The following PCBP3 variants were observed in gnomAD, a reference collection of about 807,000 sequenced individuals.
PCBP3 encodes the protein poly(rC) binding protein 3, also known as poly(rC)-binding protein 3.
Under a neutral mutation model 52.7 loss-of-function variants are expected in PCBP3, and 25 were observed. The observed-to-expected ratio is 0.47, with a 90% confidence interval of 0.35 to 0.66. PCBP3 has a LOEUF of 0.66. Among genes scored for constraint, PCBP3 ranks in the 30% least tolerant of loss-of-function variants. The pLI, the probability that PCBP3 is intolerant of heterozygous loss-of-function variation, is 0.01. For missense variants in PCBP3, 391 were observed against 490.3 expected (o/e 0.80, Z 1.91); for synonymous variants, 162 against 183.0 (o/e 0.89, Z 0.93).
chr21:45,878,344 G>A (rs2095318857), intron 5 of PCBP3, among the ~76,000 whole-genome samples: 1 of 152,266 alleles, frequency 6.6e-6, no homozygotes, highest in South Asian at 2.1e-4. Context: ...CTTGGCCTTA[G>A]ACAGGATGCA....
At chr21:45,839,153 C>G (rs1432823225) in intron 4 of PCBP3, among the ~76,000 whole-genome samples, 1 of 152,062 alleles carries the variant, frequency 6.6e-6, no homozygotes, top group Non-Finnish European at 1.5e-5. Flanking sequence ...TTATCACTCT[C>G]TATATAATTC....
Position 45,817,859 on chromosome 21 carries a change from T to A in PCBP3, c.-125-32102T>A, listed in dbSNP as rs2093013680. ...TATGAACTCAGGATTTATTTCACTT[T>A]TGAAAAGTTAATAGTCTTTATGTTT... On this transcript the variant is annotated intron_variant, in intron 4 of 17. Coordinates refer to ENST00000681687, the MANE Select transcript of PCBP3 (RefSeq NM_001384156.1). This position sits in a 1 kb window ranked among gnomAD's most constrained non-coding sequence, Gnocchi z 4.3. Among the ~76,000 whole-genome samples, 2 of 152,246 alleles carry A rather than the reference T, an allele frequency of 1.3e-5. No individual in the cohort carries two copies. The highest frequency in any genetic ancestry group is 4.8e-5 in the African/African-American group (2 of 41,462).
At chr21:45,663,279 C>A (rs1207703665) in intron 1 of PCBP3, among the ~76,000 whole-genome samples, 1 of 152,132 alleles carries the variant, frequency 6.6e-6, no homozygotes, top group Non-Finnish European at 1.5e-5. Flanking sequence ...ACTCCTTACC[C>A]TGCCCCCTTG....
chr21:45,649,503 T>C (rs1176003849), intron 1 of PCBP3, among the ~76,000 whole-genome samples: 1 of 152,206 alleles, frequency 6.6e-6, no homozygotes, highest in African/African-American at 2.4e-5. Context: ...TCATAACCAA[T>C]TGTACCAGTA....
intron 4 of PCBP3, among the ~76,000 whole-genome samples, chr21:45,814,463 GAT>G (rs2092776347): frequency 2.8e-5 from 3 of 108,428 alleles, no homozygotes; most frequent in African/African-American, 1.2e-4. Context: ...AGTGGTGAGT[GAT>G]GAGTGGTGAG....
In PCBP3 at chr21:45,853,731, C is replaced by T. The variant is rs2094143525; in HGVS notation, c.10+3636C>T. Among the ~76,000 whole-genome samples, 1 of 152,210 alleles carries T rather than the reference C, an allele frequency of 6.6e-6. No homozygotes were observed. The highest frequency in any genetic ancestry group is 2.1e-4 in the South Asian group (1 of 4,830). ...GAAACATGAGTGGTGTTAAACCATT[C>T]TGCCTGTGTGAGTACAGACGCGTGC... On this transcript the variant is annotated intron_variant, in intron 5 of 17. Transcript: ENST00000681687. This position sits in a 1 kb window ranked among gnomAD's most constrained non-coding sequence, Gnocchi z 4.6.
intron 4 of PCBP3, among the ~76,000 whole-genome samples, chr21:45,798,183 A>G (rs549564519): frequency 0.14 from 1,551 of 11,296 alleles, 43 homozygotes; most frequent in African/African-American, 0.28. Context: ...AGAGAGAGTG[A>G]ATGCATGGAT....
intron 15 of PCBP3, among the ~76,000 whole-genome samples, chr21:45,931,335 C>T (rs919349035): frequency 3.9e-5 from 6 of 152,366 alleles, no homozygotes; most frequent in Non-Finnish European, 5.9e-5. Flanking sequence ...ATGCCACACA[C>T]GCACCACACC....
chr21:45,853,521 G>A lies in PCBP3; in HGVS notation c.10+3426G>A, dbSNP rs985539526. 1.2e-4 allele frequency among the ~76,000 whole-genome samples: 18 copies of A among 152,350 alleles called. No individual in the cohort carries two copies. The highest frequency in any genetic ancestry group is 3.9e-4 in the East Asian group (2 of 5,184). ...GAGCAAGCAGCTCACGGGCCCCAGC[G>A]ACAGAATTTTCTGGGGTTTCAATAC... On this transcript the variant is annotated intron_variant, in intron 5 of 17. Transcript: ENST00000681687. This position sits in a 1 kb window ranked among gnomAD's most constrained non-coding sequence, Gnocchi z 4.6.
chr21:45,890,800 CTGTG>C (rs2095638202), intron 5 of PCBP3, among the ~76,000 whole-genome samples: 2 of 150,580 alleles, frequency 1.3e-5, no homozygotes, highest in South Asian at 2.1e-4. Flanking sequence ...ACCTGGAACT[CTGTG>C]TGCTGCTGAG....
At chr21:45,689,370 T>C (rs547436978) in intron 2 of PCBP3, among the ~76,000 whole-genome samples, 2 of 152,044 alleles carry the variant, frequency 1.3e-5, no homozygotes, top group East Asian at 1.9e-4. Flanking sequence ...GGTAAAACAC[T>C]TGACAAAATT....
intron 5 of PCBP3, among the ~76,000 whole-genome samples, chr21:45,894,519 G>A (rs1234551453): frequency 2.0e-5 from 3 of 152,110 alleles, no homozygotes; most frequent in Non-Finnish European, 4.4e-5. Context: ...CAGGGGCCAC[G>A]CCATGCATTT....
chr21:45,667,075 G>GTTCGTTCTTTCT (rs1357637647), intron 1 of PCBP3, among the ~76,000 whole-genome samples: 12 of 147,552 alleles, frequency 8.1e-5, no homozygotes, highest in African/African-American at 2.5e-4. Flanking sequence ...GCATCTGTTT[G>GTTCGTTCTTTCT]TTCTTTCTTT....
intron 7 of PCBP3, among the ~76,000 whole-genome samples, chr21:45,899,946 C>T (rs117434953): frequency 2.6e-5 from 4 of 152,290 alleles, no homozygotes; most frequent in East Asian, 1.9e-4. Flanking sequence ...CTTCTTCAGC[C>T]GGCTGTGTAG....
rs191775405 is a variant in PCBP3 at position 45,704,667 on chromosome 21, T to C, written c.-199-30725T>C. Among the ~76,000 whole-genome samples the C allele has an allele frequency of 5.0e-4, 76 of 152,308 alleles. No individual in the cohort carries two copies. The highest frequency in any genetic ancestry group is 1.7e-3 in the African/African-American group (69 of 41,552). On this transcript the variant is annotated intron_variant, in intron 2 of 17. Transcript: ENST00000681687. This position sits in a 1 kb window ranked among gnomAD's most constrained non-coding sequence, Gnocchi z 4.1. ...TGACAGGAAATTCATAAAGGGAATA[T>C]GGAGTTCCGTTTACAACAGCAAGAG... is the stretch of plus-strand genomic sequence containing the variant.
In PCBP3 at chr21:45,741,118, G is replaced by A. The variant is rs2086415991; in HGVS notation, c.-162+5689G>A. Among the ~76,000 whole-genome samples the A allele has an allele frequency of 1.3e-5, 2 of 152,200 alleles. No individual in the cohort carries two copies. The highest frequency in any genetic ancestry group is 4.8e-5 in the African/African-American group (2 of 41,464). ...TGGGAACCTAGGAACAGACACAGGAGGGAGGGAAAGGAGCCACTTGGTGGG... is the reference window on the plus strand; with the variant it reads ...TGGGAACCTAGGAACAGACACAGGAAGGAGGGAAAGGAGCCACTTGGTGGG... On this transcript the variant is annotated intron_variant, in intron 3 of 17. Transcript: ENST00000681687. This position sits in a 1 kb window ranked among gnomAD's most constrained non-coding sequence, Gnocchi z 4.5.
At chr21:45,746,174 ACGG>A (rs2086848273) in intron 3 of PCBP3, among the ~76,000 whole-genome samples, 1 of 134,230 alleles carries the variant, frequency 7.4e-6, no homozygotes, top group African/African-American at 3.0e-5. Flanking sequence ...GTAGCGCCAC[ACGG>A]TGTTGTCAGC....
At chr21:45,820,666 C>T (rs1198723431) in intron 4 of PCBP3, among the ~76,000 whole-genome samples, 2 of 152,138 alleles carry the variant, frequency 1.3e-5, no homozygotes, top group Non-Finnish European at 2.9e-5. Flanking sequence ...TAGAGCCAAG[C>T]CCCAGAGGCA....
chr21:45,924,435 A>G (rs1464859490), intron 13 of PCBP3, among the ~76,000 whole-genome samples: 6 of 141,790 alleles, frequency 4.2e-5, no homozygotes, highest in African/African-American at 1.7e-4. Context: ...GAACACCGGG[A>G]ACAGTCGCGT....
Sources: allele counts gnomAD v4.1 joint callset (sites outside exome capture counted in the v4.1 genomes callset), GRCh38; gene constraint gnomAD v4.1.1; non-coding constraint Gnocchi (gnomAD v3.1); transcripts MANE v1.5; gene names NCBI Gene and HGNC (gene_info 2026-07-23, HGNC 2026-07-21).